VSNL1: variants seen among roughly 807,000 people sequenced by gnomAD.
VSNL1 encodes the protein visinin like 1.
VSNL1 carries 6 observed loss-of-function variants against 20.4 expected under a neutral mutation model. The observed-to-expected ratio is 0.29, with a 90% CI of 0.16 to 0.58. The LOEUF (loss-of-function observed/expected upper bound fraction) is 0.58. Among genes scored for constraint, VSNL1 ranks in the 20% least tolerant of loss-of-function variants. VSNL1 has a pLI of 0.90. For synonymous variants in VSNL1, 93 were observed against 86.4 expected (o/e 1.08, Z -0.42); for missense variants, 100 against 234.5 (o/e 0.43, Z 3.75).
At chr2:17,594,946 A>G (rs1019364242) in intron 2 of VSNL1, among the ~76,000 whole-genome samples, 2 of 152,226 alleles carry the variant, frequency 1.3e-5, no homozygotes, top group African/African-American at 2.4e-5. Context: ...TTGCCCAGCA[A>G]CACAAACTGA....
At chr2:17,590,769 C>G (rs1247901361) in intron 1 of VSNL1, among the ~76,000 whole-genome samples, 1 of 152,150 alleles carries the variant, frequency 6.6e-6, no homozygotes, top group Non-Finnish European at 1.5e-5. Flanking sequence ...CAGGCTATTG[C>G]AAGTGTAGAC....
chr2:17,641,845 A>G (rs530004789), intron 2 of VSNL1, among the ~76,000 whole-genome samples: 76 of 152,328 alleles, frequency 5.0e-4, no homozygotes, highest in Non-Finnish European at 9.4e-4. Flanking sequence ...AGGGAGAAAG[A>G]GAAGAGAGAG....
intron 2 of VSNL1, among the ~76,000 whole-genome samples, chr2:17,596,171 A>G (rs2103380346): frequency 6.6e-6 from 1 of 152,220 alleles, no homozygotes; most frequent in Admixed American, 6.5e-5. Context: ...TGTGCCCTCT[A>G]CATCTGATAG....
intron 2 of VSNL1, among the ~76,000 whole-genome samples, chr2:17,624,815 G>A (rs1003957437): frequency 6.6e-6 from 1 of 152,196 alleles, no homozygotes; most frequent in African/African-American, 2.4e-5. Flanking sequence ...GATAATGAAT[G>A]TATTGCTTTA....
At chr2:17,582,226 T>G (rs1664366006) in intron 1 of VSNL1, among the ~76,000 whole-genome samples, 1 of 149,992 alleles carries the variant, frequency 6.7e-6, no homozygotes, top group South Asian at 2.1e-4. Context: ...CCAGGAGGGG[T>G]GAGGGGAAGG....
intron 2 of VSNL1, among the ~76,000 whole-genome samples, chr2:17,637,752 C>T (rs141798020): frequency 1.7e-3 from 260 of 152,366 alleles, no homozygotes; most frequent in African/African-American, 4.4e-3. Context: ...GAGATCTGCT[C>T]TGGCCCACAC....
At chr2:17,615,954 A>G (rs780452523) in intron 2 of VSNL1, among the ~76,000 whole-genome samples, 1 of 152,248 alleles carries the variant, frequency 6.6e-6, no homozygotes, top group Non-Finnish European at 1.5e-5. Flanking sequence ...ATTTTAGTCC[A>G]ATTATCATCT....
intron 2 of VSNL1, among the ~76,000 whole-genome samples, chr2:17,637,394 T>G (rs905014718): frequency 6.6e-6 from 1 of 152,192 alleles, no homozygotes; most frequent in East Asian, 1.9e-4. Flanking sequence ...GCTGGGCCCT[T>G]GCTCCCCCTT....
At chr2:17,553,255 A>G (rs1167635854) in intron 1 of VSNL1, among the ~76,000 whole-genome samples, 1 of 152,210 alleles carries the variant, frequency 6.6e-6, no homozygotes, top group Non-Finnish European at 1.5e-5. Context: ...GCTAATGTCT[A>G]ATGGCTCTGA....
chr2:17,592,327 G>C, intron 2 of VSNL1, 91 bp downstream of exon 2: 1 of 1,372,466 alleles, frequency 7.3e-7, no homozygotes, highest in South Asian at 1.4e-5. Context: ...ATAACTCTAA[G>C]TAGCTAGTTT....
intron 2 of VSNL1, among the ~76,000 whole-genome samples, chr2:17,616,858 G>C (rs1038087956): frequency 1.3e-5 from 2 of 152,180 alleles, no homozygotes; most frequent in East Asian, 3.9e-4. Context: ...TGATGAACAG[G>C]CCTCAGGGGG....
intron 1 of VSNL1, among the ~76,000 whole-genome samples, chr2:17,585,397 C>A (rs1003204387): frequency 1.4e-5 from 2 of 144,306 alleles, no homozygotes; most frequent in Non-Finnish European, 3.1e-5. Flanking sequence ...AAAAAAAAAA[C>A]ATACAATATG....
At chr2:17,642,309 C>CTTTTTTTTTTTTT (rs577471307) in intron 2 of VSNL1, among the ~76,000 whole-genome samples, 2,495 of 92,910 alleles carry the variant, frequency 0.027, 490 homozygotes, top group Non-Finnish European at 0.046. Context: ...GTGAGCATTC[C>CTTTTTTTTTTTTT]TTTTTTTTTT....
At chr2:17,596,305 G>C (rs1486968792) in intron 2 of VSNL1, among the ~76,000 whole-genome samples, 1 of 152,174 alleles carries the variant, frequency 6.6e-6, no homozygotes, top group Non-Finnish European at 1.5e-5. Flanking sequence ...CTGATAGGTT[G>C]GGAAGAAAGC....
intron 2 of VSNL1, among the ~76,000 whole-genome samples, chr2:17,644,770 ACT>A (rs1487902401): frequency 1.3e-5 from 2 of 152,212 alleles, no homozygotes; most frequent in Non-Finnish European, 2.9e-5. Context: ...AACAATAACT[ACT>A]GTCTCAGTAG....
intron 2 of VSNL1, among the ~76,000 whole-genome samples, chr2:17,615,989 G>A (rs1236712730): frequency 6.6e-6 from 1 of 152,194 alleles, no homozygotes; most frequent in Non-Finnish European, 1.5e-5. Context: ...GCAAGGGAAT[G>A]GATCCTCCCC....
chr2:17,603,926 A>G (rs1664887476), intron 2 of VSNL1, among the ~76,000 whole-genome samples: 1 of 152,184 alleles, frequency 6.6e-6, no homozygotes, highest in African/African-American at 2.4e-5. Flanking sequence ...AGATGACTCA[A>G]GTTACTCATG....
chr2:17,554,044 A>G (rs187524139), intron 1 of VSNL1, among the ~76,000 whole-genome samples: 3 of 152,320 alleles, frequency 2.0e-5, no homozygotes, highest in East Asian at 1.9e-4. Flanking sequence ...CACTTTATGT[A>G]GAACAATGGG....
At chr2:17,559,044 C>G (rs1663751121) in intron 1 of VSNL1, among the ~76,000 whole-genome samples, 2 of 151,976 alleles carry the variant, frequency 1.3e-5, no homozygotes, top group Admixed American at 1.3e-4. Context: ...AGCCTTTTTG[C>G]TTGGCTAGCC....
Sources: allele counts gnomAD v4.1 joint callset (sites outside exome capture counted in the v4.1 genomes callset), GRCh38; gene constraint gnomAD v4.1.1; transcripts MANE v1.5; gene names NCBI Gene and HGNC (gene_info 2026-07-23, HGNC 2026-07-21).